Variants in SYT13 observed in about 807,000 individuals in gnomAD.
SYT13 encodes the protein synaptotagmin 13.
A neutral mutation model predicts 38.6 loss-of-function variants in SYT13; 21 were observed. The observed-to-expected ratio is 0.54, with a 90% CI of 0.39 to 0.78. The LOEUF (loss-of-function observed/expected upper bound fraction) is 0.78. Ranked by LOEUF, SYT13 falls within the 30% of genes least tolerant of loss-of-function variation. SYT13 has a pLI of 0.00. For missense variants in SYT13, 495 were observed against 548.7 expected (o/e 0.90, Z 0.98); for synonymous variants, 241 against 237.6 (o/e 1.01, Z -0.13).
In SYT13 at chr11:45,286,251, C is replaced by A; in HGVS notation, c.-44G>T. 6.7e-7 allele frequency: 1 copy of A among 1,483,688 alleles called. No individual in the cohort carries two copies. Among genetic ancestry groups the A allele is most frequent in the African/African-American group, 1.4e-5 (1 of 70,808 alleles). The allele number at this position is 1,483,688 out of a possible 1,614,324, so 91.9% of individuals were successfully genotyped here. ...GGGGCTGGGTCCCGCAGCCGCTCAC[C>A]TTCCCCGGGCCGGGCCCGCCTCCAG... On this transcript the variant is annotated 5_prime_UTR_variant, in exon 1 of 6. The change creates a new upstream start codon in the 5' untranslated region. Coordinates refer to ENST00000020926, the MANE Select transcript of SYT13 (RefSeq NM_020826.3).
chr11:45,244,695 T>C (rs1854593877), intron 5 of SYT13, among the ~76,000 whole-genome samples: 2 of 152,194 alleles, frequency 1.3e-5, no homozygotes, highest in African/African-American at 4.8e-5. Context: ...CATGCATTCA[T>C]TCAACAAATA....
chr11:45,259,989 G>A (rs901457046), intron 1 of SYT13, among the ~76,000 whole-genome samples: 1 of 152,226 alleles, frequency 6.6e-6, no homozygotes, highest in East Asian at 1.9e-4. Flanking sequence ...TATTGTTTAA[G>A]CCAGTTTGAA....
intron 1 of SYT13, among the ~76,000 whole-genome samples, chr11:45,277,446 C>G (rs1250864522): frequency 6.6e-6 from 1 of 152,186 alleles, no homozygotes; most frequent in African/African-American, 2.4e-5. Context: ...TAGCTCAATG[C>G]CCCTCCTGGA....
intron 5 of SYT13, among the ~76,000 whole-genome samples, chr11:45,245,183 A>G (rs1246834522): frequency 6.6e-6 from 1 of 152,242 alleles, no homozygotes; most frequent in Admixed American, 6.5e-5. Context: ...CTGCACCAAG[A>G]GAGCTGGCCC....
intron 1 of SYT13, among the ~76,000 whole-genome samples, chr11:45,256,552 T>G (rs937902153): frequency 2.2e-4 from 33 of 152,062 alleles, no homozygotes; most frequent in African/African-American, 6.8e-4. Flanking sequence ...CAATCTAAAT[T>G]AAATCCCTCC....
intron 1 of SYT13, among the ~76,000 whole-genome samples, chr11:45,264,450 T>C (rs1372555600): frequency 6.6e-6 from 1 of 152,324 alleles, no homozygotes. Flanking sequence ...ACTGCAATGT[T>C]GAAAGCTTTC....
intron 1 of SYT13, among the ~76,000 whole-genome samples, chr11:45,271,434 A>G (rs1854948162): frequency 6.6e-6 from 1 of 152,176 alleles, no homozygotes; most frequent in Non-Finnish European, 1.5e-5. Flanking sequence ...AGAGAGAGGC[A>G]TCTCAAATTG....
At chr11:45,248,108 C>T (rs967233489) in intron 4 of SYT13, among the ~76,000 whole-genome samples, 2 of 152,176 alleles carry the variant, frequency 1.3e-5, no homozygotes, top group African/African-American at 2.4e-5. Context: ...CTTTTCTAAG[C>T]CTCCATTTCT....
chr11:45,280,243 T>C (rs1367930913), intron 1 of SYT13, among the ~76,000 whole-genome samples: 1 of 152,148 alleles, frequency 6.6e-6, no homozygotes, highest in Middle Eastern at 3.2e-3. Context: ...GTAGGAGGCC[T>C]AATAGGACCA....
chr11:45,277,943 G>T (rs1464453145), intron 1 of SYT13, among the ~76,000 whole-genome samples: 2 of 152,170 alleles, frequency 1.3e-5, no homozygotes, highest in African/African-American at 4.8e-5. Flanking sequence ...ATGGGTCACT[G>T]TGTCATTGGG....
intron 4 of SYT13, among the ~76,000 whole-genome samples, chr11:45,251,347 C>CT (rs1394081931): frequency 7.1e-6 from 1 of 140,486 alleles, no homozygotes; most frequent in East Asian, 2.0e-4. Flanking sequence ...CGAGATCGCG[C>CT]CACTGCACTC....
intron 1 of SYT13, among the ~76,000 whole-genome samples, chr11:45,264,738 T>C (rs1854861274): frequency 6.6e-6 from 1 of 152,128 alleles, no homozygotes; most frequent in African/African-American, 2.4e-5. Flanking sequence ...CAGCAATAGA[T>C]AACTAATACA....
Position 45,255,406 on chromosome 11 carries a change from C to T in SYT13, c.409+260G>A, listed in dbSNP as rs542555653. On this transcript the variant is annotated intron_variant, in intron 2 of 5. Coordinates refer to ENST00000020926, the MANE Select transcript of SYT13 (RefSeq NM_020826.3). ...GGTTTTAACCATGGCTCTTTATCCT[C>T]TCTCATAGTTGCACACATATGACTA... Among the ~76,000 whole-genome samples the T allele has an allele frequency of 4.6e-5, 7 of 152,338 alleles. No homozygotes were observed. The South Asian group carries it at 1.0e-3, about 23-fold the overall frequency.
At position 45,286,150 on chromosome 11, in the gene SYT13, T is replaced by C. The variant is rs1043411342; in HGVS notation, c.58A>G (p.Ile20Val). ...CAGGTGACCCCGCACAACGCGAGGA[T>C]GCTGGTGGCTGTGCCCAGCGTGGCG... ...LGATLGTATSILALCGVTCLC... is the reference protein window; with the variant it reads ...LGATLGTATSVLALCGVTCLC... The change falls in exon 1 of 6, where the codon ATC (isoleucine) becomes GTC (valine). Residue 20 changes from isoleucine (I) to valine (V), a missense_variant. Transcript: ENST00000020926. 5.0e-6 allele frequency: 8 copies of C among 1,591,822 alleles called. No individual in the cohort carries two copies. The African/African-American group carries it at 5.3e-5, about 11-fold the overall frequency.
chr11:45,251,497 T>G (rs1003759736), intron 4 of SYT13, among the ~76,000 whole-genome samples: 2 of 152,002 alleles, frequency 1.3e-5, no homozygotes, highest in Non-Finnish European at 2.9e-5. Flanking sequence ...ATAACACCTA[T>G]TTGGGGCTAT....
At chr11:45,253,512 G>A (rs1367732934) in intron 3 of SYT13, among the ~76,000 whole-genome samples, 1 of 152,110 alleles carries the variant, frequency 6.6e-6, no homozygotes, top group Non-Finnish European at 1.5e-5. Flanking sequence ...CAAGGAAAAA[G>A]CCTCAGAAAA....
Position 45,248,382 on chromosome 11 carries a change from A to G in SYT13, c.847-1870T>C, listed in dbSNP as rs1432105391. Among the ~76,000 whole-genome samples the G allele has an allele frequency of 2.0e-5, 3 of 152,230 alleles. No homozygotes were observed. The East Asian group carries it at 5.8e-4, about 29-fold the overall frequency. ...AAAAGGGTAACACATTCCATTTATA[A>G]TCTTGATGACAACCTCAAGAGGGCT... On this transcript the variant is annotated intron_variant, in intron 4 of 5. Coordinates refer to ENST00000020926, the MANE Select transcript of SYT13 (RefSeq NM_020826.3).
intron 5 of SYT13, among the ~76,000 whole-genome samples, chr11:45,245,617 G>A (rs1854604978): frequency 6.6e-6 from 1 of 152,214 alleles, no homozygotes; most frequent in African/African-American, 2.4e-5. Context: ...AGGCGCATGT[G>A]GCTTCCAGTC....
chr11:45,279,946 G>A (rs1565398550), intron 1 of SYT13, among the ~76,000 whole-genome samples: 1 of 152,178 alleles, frequency 6.6e-6, no homozygotes, highest in Non-Finnish European at 1.5e-5. Flanking sequence ...ACTTTAGGCT[G>A]AAGACGGAAG....
Sources: allele counts gnomAD v4.1 joint callset (sites outside exome capture counted in the v4.1 genomes callset), GRCh38; gene constraint gnomAD v4.1.1; transcripts MANE v1.5; gene names NCBI Gene and HGNC (gene_info 2026-07-23, HGNC 2026-07-21).